Variants in FHAD1 observed in about 807,000 individuals in gnomAD.
FHAD1 encodes forkhead associated phosphopeptide binding domain 1, also known as forkhead-associated domain-containing protein 1.
In FHAD1, 146 loss-of-function variants were observed where a neutral mutation model predicts 191.3. The ratio of observed to expected loss-of-function variants is 0.76; its 90% CI spans 0.67 to 0.88. FHAD1 has a LOEUF of 0.88. FHAD1 is among the 40% of genes least tolerant of loss of function. The pLI, the probability that FHAD1 is intolerant of heterozygous loss-of-function variation, is 0.00. For synonymous variants in FHAD1, 616 were observed against 672.3 expected (o/e 0.92, Z 1.29); for missense variants, 1,635 against 1,785.8 (o/e 0.92, Z 1.52).
chr1:15,349,050 G>A lies in FHAD1; in HGVS notation c.2355G>A (p.Glu785=), dbSNP rs1039104513. 6.4e-7 allele frequency: 1 copy of A among 1,551,174 alleles called. No homozygotes were observed. Among genetic ancestry groups the A allele is most frequent in the African/African-American group, 1.4e-5 (1 of 72,938 alleles). ...ERLARQKEVL[E]SSIAHEKRKA... ...TGGTCGTTGATTTTCAGGTTTTGGA[G>A]AGCAGCATAGCCCATGAAAAAAGAA... The change falls in exon 19 of 34, where the codon GAG becomes GAA. Residue 785 remains glutamate (E), a synonymous_variant. Coordinates refer to ENST00000688493, the MANE Select transcript of FHAD1 (RefSeq NM_001391957.1).
intron 12 of FHAD1, chr1:15,328,042 AAAAAAGAAAAG>A: frequency 7.7e-6 from 2 of 260,748 alleles, no homozygotes; most frequent in South Asian, 3.1e-4. Context: ...GCAAAAAAAA[AAAAAAGAAAAG>A]AAAAAAGAAA....
intron 8 of FHAD1, chr1:15,315,298 G>GA (rs970379525): frequency 2.6e-5 from 4 of 151,804 alleles, no homozygotes; most frequent in African/African-American, 9.7e-5. Flanking sequence ...AAATTACCTG[G>GA]AAAAAATATA....
At chr1:15,324,902 T>C (rs1677778074) in intron 11 of FHAD1, 1 of 316,140 alleles carries the variant, frequency 3.2e-6, no homozygotes, top group East Asian at 6.6e-5. Flanking sequence ...GTCCTGACAT[T>C]TACCACAATC....
Position 15,380,798 on chromosome 1 carries a change from T to C in FHAD1, c.3801+2T>C. ...GCTTTAGAGCTCAGTGAAAAGCTGG[T>C]ATGTACATCCAGCATCCACCCTGCT... On this transcript the variant is annotated splice_donor_variant, in intron 29 of 33. Coordinates refer to ENST00000688493, the MANE Select transcript of FHAD1 (RefSeq NM_001391957.1). LOFTEE classifies it high-confidence loss of function. 1.9e-6 allele frequency: 3 copies of C among 1,549,176 alleles called. No individual in the cohort carries two copies. The highest frequency in any genetic ancestry group is 2.6e-6 in the Non-Finnish European group (3 of 1,144,850).
chr1:15,241,788 A>G (rs1645405673), intron 1 of FHAD1, among the ~76,000 whole-genome samples: 1 of 152,148 alleles, frequency 6.6e-6, no homozygotes, highest in African/African-American at 2.4e-5. Flanking sequence ...AGTGCTGGTG[A>G]TGTTTTGCTT....
upstream of FHAD1, among the ~76,000 whole-genome samples, chr1:15,245,811 C>A (rs1030424210): frequency 1.3e-5 from 2 of 152,184 alleles, no homozygotes; most frequent in South Asian, 4.1e-4. Flanking sequence ...TGGATTATGT[C>A]CCAGGCCTGC....
intron 3 of FHAD1, among the ~76,000 whole-genome samples, chr1:15,275,999 A>ATGGGAGG: frequency 6.6e-6 from 1 of 152,186 alleles, no homozygotes; most frequent in East Asian, 1.9e-4. Context: ...TCAATAGGAA[A>ATGGGAGG]TGGGAGGTGG....
intron 1 of FHAD1, among the ~76,000 whole-genome samples, chr1:15,237,799 T>TA (rs200823639): frequency 0.018 from 2,797 of 152,076 alleles, 91 homozygotes; most frequent in African/African-American, 0.065. Context: ...TTGAGTGCTG[T>TA]AAGGAAGGCA....
Position 15,248,648 on chromosome 1 carries a change from C to G in FHAD1, c.-15+1253C>G, listed in dbSNP as rs533404007. Among the ~76,000 whole-genome samples, 18 of 151,166 alleles carry G rather than the reference C, an allele frequency of 1.2e-4. No homozygotes were observed. In the East Asian group the frequency reaches 3.3e-3, roughly 28 times the overall value. On this transcript the variant is annotated intron_variant, in intron 1 of 33. Transcript: ENST00000688493. ...CCAAGCTAGATAGAGTGCAGTGGCA[C>G]AATCTCAGCTCACTGCAACCTCTGC...
At chr1:15,355,714 G>A (rs748833596) in intron 20 of FHAD1, among the ~76,000 whole-genome samples, 10 of 152,162 alleles carry the variant, frequency 6.6e-5, no homozygotes, top group Non-Finnish European at 1.0e-4. Flanking sequence ...CATAGGCCAG[G>A]TCTGCATGAG....
chr1:15,259,324 G>A lies in FHAD1; in HGVS notation c.93+7447G>A, dbSNP rs949917881. ...TTATCCTCAAACAGCCCTATCAGGC[G>A]AGAACTACTATTATCGTTATTATCC... On this transcript the variant is annotated intron_variant, in intron 2 of 33. Coordinates refer to ENST00000688493, the MANE Select transcript of FHAD1 (RefSeq NM_001391957.1). Among the ~76,000 whole-genome samples the A allele has an allele frequency of 3.9e-5, 6 of 152,132 alleles. No homozygotes were observed. The East Asian group carries it at 9.6e-4, about 24-fold the overall frequency.
At chr1:15,397,118 G>GA (rs1244227220) in intron 33 of FHAD1, among the ~76,000 whole-genome samples, 179 bp from the exon 34 acceptor site, 1 of 150,998 alleles carries the variant, frequency 6.6e-6, no homozygotes, top group Non-Finnish European at 1.5e-5. Context: ...ATGAACCCAG[G>GA]AGGCGGAGCT....
intron 1 of FHAD1, among the ~76,000 whole-genome samples, chr1:15,249,479 C>T (rs1646505501): frequency 6.6e-6 from 1 of 152,128 alleles, no homozygotes. Context: ...TTGAGGGCAA[C>T]AGGGCATGGT....
chr1:15,286,163 T>A (rs1253603388), intron 3 of FHAD1, among the ~76,000 whole-genome samples: 1 of 152,206 alleles, frequency 6.6e-6, no homozygotes, highest in Non-Finnish European at 1.5e-5. Flanking sequence ...ACTGTACACC[T>A]AAAATGGTTA....
intron 33 of FHAD1, among the ~76,000 whole-genome samples, chr1:15,395,459 T>C (rs1034007718): frequency 3.3e-5 from 5 of 152,172 alleles, no homozygotes; most frequent in Admixed American, 1.3e-4. Context: ...TCCAGTGGTA[T>C]GACAAGAAGG....
chr1:15,380,424 G>A (rs1700642117), intron 28 of FHAD1, among the ~76,000 whole-genome samples: 4 of 152,184 alleles, frequency 2.6e-5, no homozygotes, highest in Admixed American at 2.6e-4. Context: ...CACCCCAATT[G>A]AGAACCACTG....
Position 15,328,383 on chromosome 1 carries a change from C to G in FHAD1, c.1664C>G (p.Thr555Ser). 6 of 1,545,668 alleles carry G rather than the reference C, an allele frequency of 3.9e-6. No homozygotes were observed. Among genetic ancestry groups the G allele is most frequent in the Non-Finnish European group, 5.2e-6 (6 of 1,144,902 alleles). Residue 555 changes from threonine to serine, a missense_variant, in exon 13 of 34, where the codon ACC becomes AGC. Physicochemically the swap from Thr to Ser is moderately conservative, Grantham distance 58. Coordinates refer to ENST00000688493, the MANE Select transcript of FHAD1 (RefSeq NM_001391957.1). ...TQLSNSKQEETTENIEKLRTS... is the reference protein window; with the variant it reads ...TQLSNSKQEESTENIEKLRTS... ...CTGAGCAACTCCAAGCAGGAGGAGACCACCGAGAACATCGAGAAGCTGAGG... is the reference window on the plus strand; with the variant it reads ...CTGAGCAACTCCAAGCAGGAGGAGAGCACCGAGAACATCGAGAAGCTGAGG...
At chr1:15,280,192 G>T (rs897083640) in intron 3 of FHAD1, among the ~76,000 whole-genome samples, 1 of 152,118 alleles carries the variant, frequency 6.6e-6, no homozygotes, top group Non-Finnish European at 1.5e-5. Flanking sequence ...TAACCAGGCC[G>T]AGTAACTGGG....
chr1:15,238,304 G>A (rs2100472238), intron 1 of FHAD1, among the ~76,000 whole-genome samples: 1 of 150,124 alleles, frequency 6.7e-6, no homozygotes, highest in South Asian at 2.1e-4. Flanking sequence ...AATGCAGATG[G>A]CAGTGAGATG....
Sources: allele counts gnomAD v4.1 joint callset (sites outside exome capture counted in the v4.1 genomes callset), GRCh38; gene constraint gnomAD v4.1.1; transcripts MANE v1.5; gene names NCBI Gene and HGNC (gene_info 2026-07-23, HGNC 2026-07-21).